Variants in DYNC1I1 observed in about 807,000 individuals in gnomAD.
DYNC1I1 encodes the protein dynein cytoplasmic 1 intermediate chain 1, also known as cytoplasmic dynein 1 intermediate chain 1.
A neutral mutation model predicts 86.6 loss-of-function variants in DYNC1I1; 43 were observed. That is an observed-to-expected ratio of 0.50 (90% CI 0.39 to 0.64). DYNC1I1 has a LOEUF of 0.64. Ranked by LOEUF, DYNC1I1 falls within the 30% of genes least tolerant of loss-of-function variation. The pLI, the probability that DYNC1I1 is intolerant of heterozygous loss-of-function variation, is 0.00. For missense variants in DYNC1I1, 604 were observed against 788.8 expected (o/e 0.77, Z 2.81); for synonymous variants, 262 against 283.7 (o/e 0.92, Z 0.77).
chr7:95,813,193 C>T, intron 3 of DYNC1I1, 54 bp from the exon 4 acceptor site: 1 of 1,611,590 alleles, frequency 6.2e-7, no homozygotes, highest in Non-Finnish European at 8.5e-7. Flanking sequence ...TGCTCTTCAC[C>T]AGTGCAGCCG....
intron 6 of DYNC1I1, among the ~76,000 whole-genome samples, chr7:95,889,304 A>T (rs1790676504): frequency 6.6e-6 from 1 of 152,194 alleles, no homozygotes; most frequent in Non-Finnish European, 1.5e-5. Context: ...TCTTTGCCTT[A>T]AAAAGAATCT....
At chr7:96,023,971 C>G (rs749752054) in intron 10 of DYNC1I1, among the ~76,000 whole-genome samples, 10 of 152,110 alleles carry the variant, frequency 6.6e-5, no homozygotes, top group Non-Finnish European at 1.0e-4. Flanking sequence ...GATGCTTGCC[C>G]TCTTAGAAAT....
intron 5 of DYNC1I1, among the ~76,000 whole-genome samples, chr7:95,848,266 G>A (rs1175014243): frequency 7.1e-6 from 1 of 141,434 alleles, no homozygotes; most frequent in African/African-American, 2.6e-5. Flanking sequence ...CCAATTGTAA[G>A]TTCAGAAACA....
chr7:95,816,127 C>G (rs1336884002), intron 4 of DYNC1I1, among the ~76,000 whole-genome samples: 3 of 152,004 alleles, frequency 2.0e-5, no homozygotes, highest in Non-Finnish European at 2.9e-5. Context: ...AAGCAATCCT[C>G]CTGCCTCGGC....
chr7:96,073,203 A>ATTAT (rs1451710514), intron 14 of DYNC1I1, among the ~76,000 whole-genome samples: 15 of 152,192 alleles, frequency 9.9e-5, no homozygotes, highest in Admixed American at 5.9e-4. Context: ...GTAGCCTAGA[A>ATTAT]TTATTTGCAC....
Position 96,097,468 on chromosome 7 carries a change from T to C in DYNC1I1, c.1777-15T>C, listed in dbSNP as rs1479875237. ...GATATCTTGTTCATCATTTCTCCAT[T>C]GATTTGCTTTGCAGCTTGCAGTTCC... is the stretch of plus-strand genomic sequence containing the variant. On this transcript the variant is annotated splice_polypyrimidine_tract_variant and intron_variant, in intron 16 of 16. Coordinates refer to ENST00000447467, the MANE Select transcript of DYNC1I1 (RefSeq NM_001135556.2). The C allele has an allele frequency of 1.2e-6, 2 of 1,613,370 alleles. No homozygotes were observed. Among genetic ancestry groups the C allele is most frequent in the African/African-American group, 1.3e-5 (1 of 74,982 alleles).
At chr7:95,945,374 G>C (rs1002479587) in intron 6 of DYNC1I1, among the ~76,000 whole-genome samples, 2 of 152,056 alleles carry the variant, frequency 1.3e-5, no homozygotes, top group East Asian at 3.9e-4. Flanking sequence ...TAAATTTATA[G>C]CATCTTCTAT....
chr7:95,833,972 T>G lies in DYNC1I1; in HGVS notation c.374+5856T>G, dbSNP rs533964072. 2.8e-3 allele frequency among the ~76,000 whole-genome samples: 280 copies of G among 100,380 alleles called. 9 individuals carry two copies. Among genetic ancestry groups the G allele is most frequent in the South Asian group, 0.024 (68 of 2,824 alleles). The allele number at this position is 100,380 out of a possible 152,430, so 65.9% of individuals were successfully genotyped here. A position where few individuals can be genotyped will look rare whatever the true frequency, so the allele number is the denominator to read the frequency against. ...TTGAATACCCTTTATTTCCTTGTCC[T>G]GCCTAATTGCCCTGGCCAGAACTTC... On this transcript the variant is annotated intron_variant, in intron 5 of 16. Transcript: ENST00000447467.
chr7:95,987,259 C>G, intron 9 of DYNC1I1, 104 bp downstream of exon 9: 1 of 1,023,760 alleles, frequency 9.8e-7, no homozygotes, highest in Non-Finnish European at 1.5e-6. Flanking sequence ...CCTCTCTATG[C>G]CTGTTGGTTT....
chr7:96,098,509 A>G, downstream of DYNC1I1: 1 of 828,492 alleles, frequency 1.2e-6, no homozygotes, highest in Non-Finnish European at 1.5e-6. Flanking sequence ...GAGATACATT[A>G]GAGCCATGTT....
chr7:95,976,002 C>T (rs564541949), intron 6 of DYNC1I1, among the ~76,000 whole-genome samples: 1 of 152,278 alleles, frequency 6.6e-6, no homozygotes, highest in Admixed American at 6.5e-5. Flanking sequence ...AATATGTTCA[C>T]ATACGGATAA....
At chr7:95,846,137 A>G (rs1011323448) in intron 5 of DYNC1I1, among the ~76,000 whole-genome samples, 6 of 152,178 alleles carry the variant, frequency 3.9e-5, no homozygotes, top group South Asian at 2.1e-4. Context: ...GGTCATTCCT[A>G]TATAATTTTT....
chr7:95,994,207 ATAAT>A (rs1400066280), intron 9 of DYNC1I1, among the ~76,000 whole-genome samples: 2 of 152,230 alleles, frequency 1.3e-5, no homozygotes, highest in Admixed American at 1.3e-4. Flanking sequence ...AAAATTTTAA[ATAAT>A]TAAAGAAATT....
At chr7:95,869,723 C>T (rs1790111998) in intron 5 of DYNC1I1, among the ~76,000 whole-genome samples, 160 bp from the exon 6 acceptor site, 2 of 152,226 alleles carry the variant, frequency 1.3e-5, no homozygotes, top group African/African-American at 4.8e-5. Context: ...CGTGTCCTGA[C>T]TTCCAGCCCA....
chr7:96,034,211 C>T (rs1051932235), intron 12 of DYNC1I1, among the ~76,000 whole-genome samples: 14 of 151,914 alleles, frequency 9.2e-5, no homozygotes, highest in African/African-American at 3.1e-4. Flanking sequence ...CCACTATTTT[C>T]GCTGATCTTT....
chr7:96,048,625 C>T (rs945276865), intron 14 of DYNC1I1, among the ~76,000 whole-genome samples: 1 of 152,188 alleles, frequency 6.6e-6, no homozygotes, highest in Admixed American at 6.5e-5. Context: ...CTATTTCAAA[C>T]ATCCCATCCT....
chr7:95,992,759 A>G (rs1223153583), intron 9 of DYNC1I1, among the ~76,000 whole-genome samples: 1 of 151,984 alleles, frequency 6.6e-6, no homozygotes, highest in African/African-American at 2.4e-5. Context: ...AGCTGGGATT[A>G]CAGGCACACA....
intron 6 of DYNC1I1, among the ~76,000 whole-genome samples, chr7:95,933,715 T>TA (rs869131421): frequency 5.9e-5 from 9 of 151,840 alleles, no homozygotes; most frequent in Admixed American, 2.0e-4. Context: ...ACATTTTTTT[T>TA]AAAAAAAACT....
chr7:96,101,786 G>T (rs1245339117), downstream of DYNC1I1, among the ~76,000 whole-genome samples: 1 of 151,994 alleles, frequency 6.6e-6, no homozygotes, highest in Non-Finnish European at 1.5e-5. Context: ...CAGAAGGGAG[G>T]GCCAAATGGA....
Sources: gnomAD v4.1 joint callset for allele counts (sites outside exome capture counted in the v4.1 genomes callset) on GRCh38, gnomAD v4.1.1 for gene constraint, MANE v1.5 for transcripts, NCBI Gene and HGNC (gene_info 2026-07-23, HGNC 2026-07-21) for gene names.